ACTR3C: variants seen among roughly 807,000 people sequenced by gnomAD.
ACTR3C encodes the protein actin-related protein 3C.
Under a neutral mutation model 26.3 loss-of-function variants are expected in ACTR3C, and 18 were observed. The ratio of observed to expected loss-of-function variants is 0.68; its 90% CI spans 0.47 to 1.01. The LOEUF (loss-of-function observed/expected upper bound fraction) is 1.01, where lower values mean the gene tolerates loss of function less well. ACTR3C is among the 50% of genes least tolerant of loss of function. The pLI is 0.00. For synonymous variants in ACTR3C, 55 were observed against 94.5 expected (o/e 0.58, Z 2.42); for missense variants, 184 against 250.7 (o/e 0.73, Z 1.80).
chr7:150,021,129 T>A, the ACTR3C span, among the ~76,000 whole-genome samples: 157 of 150,842 alleles, frequency 1.0e-3, 1 homozygote, highest in Middle Eastern at 3.4e-3. Flanking sequence ...CCTTTTTTTT[T>A]TAAAAAAAAT....
chr7:150,020,926 T>G, the ACTR3C span, among the ~76,000 whole-genome samples: 1 of 152,030 alleles, frequency 6.6e-6, no homozygotes, highest in Non-Finnish European at 1.5e-5. Context: ...GTTCAAGAGA[T>G]TCTCCTGCCT....
intron 1 of ACTR3C, among the ~76,000 whole-genome samples, chr7:150,307,289 A>C (rs1295133967): frequency 6.6e-6 from 1 of 152,228 alleles, no homozygotes. Flanking sequence ...TGTGACCTGC[A>C]CATGTACATC....
chr7:149,996,459 G>C, the ACTR3C span, among the ~76,000 whole-genome samples: 2 of 149,820 alleles, frequency 1.3e-5, no homozygotes, highest in Non-Finnish European at 3.0e-5. Flanking sequence ...AAAGGAAACA[G>C]GCAAAGACAA....
chr7:150,240,981 T>C (rs1004508401), downstream of ACTR3C, among the ~76,000 whole-genome samples: 1 of 152,128 alleles, frequency 6.6e-6, no homozygotes, highest in Non-Finnish European at 1.5e-5. Context: ...CTATTAGTAA[T>C]AAATTTAGTA....
At chr7:150,037,654 A>C in the ACTR3C span, among the ~76,000 whole-genome samples, 121 of 100,056 alleles carry the variant, frequency 1.2e-3, 1 homozygote, top group South Asian at 4.6e-3. Context: ...TACTTGGACA[A>C]CTAACACCCA....
At chr7:150,200,997 C>CT in the ACTR3C span, among the ~76,000 whole-genome samples, 3 of 152,192 alleles carry the variant, frequency 2.0e-5, no homozygotes, top group Non-Finnish European at 4.4e-5. Context: ...ATTTTAAACT[C>CT]TATCTTCATA....
the ACTR3C span, among the ~76,000 whole-genome samples, chr7:150,203,054 G>A: frequency 1.3e-5 from 2 of 152,210 alleles, no homozygotes; most frequent in Non-Finnish European, 2.9e-5. Context: ...CGTTACATAT[G>A]ACTCAGCAAA....
chr7:150,008,290 A>C, the ACTR3C span, among the ~76,000 whole-genome samples: 1 of 151,956 alleles, frequency 6.6e-6, no homozygotes, highest in African/African-American at 2.4e-5. Context: ...ACTACTTCTC[A>C]CTCCATGAGG....
At chr7:150,178,660 G>T in the ACTR3C span, among the ~76,000 whole-genome samples, 1 of 150,654 alleles carries the variant, frequency 6.6e-6, no homozygotes, top group Non-Finnish European at 1.5e-5. Context: ...AGTTATGGCA[G>T]TATGAACTCC....
the ACTR3C span, among the ~76,000 whole-genome samples, chr7:150,204,611 T>C: frequency 6.6e-6 from 1 of 152,228 alleles, no homozygotes; most frequent in East Asian, 1.9e-4. Context: ...CACCATGTGA[T>C]GCTGTATCCT....
chr7:149,926,714 T>C, the ACTR3C span, among the ~76,000 whole-genome samples: 2 of 152,140 alleles, frequency 1.3e-5, no homozygotes, highest in Admixed American at 6.6e-5. Flanking sequence ...TTTGTACATT[T>C]TCACCGTAGT....
At chr7:150,174,473 C>A in the ACTR3C span, among the ~76,000 whole-genome samples, 1 of 140,922 alleles carries the variant, frequency 7.1e-6, no homozygotes, top group Non-Finnish European at 1.5e-5. Context: ...AGATACAATT[C>A]AAGTTGAGAT....
chr7:150,199,067 G>A, the ACTR3C span, among the ~76,000 whole-genome samples: 1 of 147,848 alleles, frequency 6.8e-6, no homozygotes, highest in Non-Finnish European at 1.5e-5. Context: ...GGGAAGTGAG[G>A]AGCCCCTCTG....
chr7:149,991,906 C>A, the ACTR3C span, among the ~76,000 whole-genome samples: 1 of 151,654 alleles, frequency 6.6e-6, no homozygotes, highest in Non-Finnish European at 1.5e-5. Context: ...CAAACCTAAT[C>A]TTACATTGAA....
chr7:149,906,783 C>G, the ACTR3C span, among the ~76,000 whole-genome samples: 3 of 93,654 alleles, frequency 3.2e-5, no homozygotes, highest in African/African-American at 1.3e-4. Context: ...GGCCTTAAAC[C>G]TCTTCACACC....
the ACTR3C span, among the ~76,000 whole-genome samples, chr7:150,198,476 G>A: frequency 2.1e-3 from 292 of 139,114 alleles, 6 homozygotes; most frequent in African/African-American, 7.8e-3. Flanking sequence ...CTGAGATGTG[G>A]GGAGCGCCTC....
the ACTR3C span, among the ~76,000 whole-genome samples, chr7:149,973,183 C>T: frequency 7.9e-5 from 12 of 152,224 alleles, no homozygotes; most frequent in Admixed American, 7.9e-4. Flanking sequence ...GTCTCCTGCA[C>T]CTGGTGCTAG....
At chr7:150,069,844 A>C in the ACTR3C span, among the ~76,000 whole-genome samples, 1 of 152,124 alleles carries the variant, frequency 6.6e-6, no homozygotes, top group Non-Finnish European at 1.5e-5. Flanking sequence ...GAAGGGGTAG[A>C]TGTTGGCAGC....
the ACTR3C span, among the ~76,000 whole-genome samples, chr7:150,056,428 G>A: frequency 6.4e-4 from 98 of 152,182 alleles, no homozygotes; most frequent in African/African-American, 2.0e-3. Context: ...GCCCATTTCC[G>A]AACAATTTCC....
Sources: gnomAD v4.1 joint callset for allele counts (sites outside exome capture counted in the v4.1 genomes callset) on GRCh38, gnomAD v4.1.1 for gene constraint, MANE v1.5 for transcripts, NCBI Gene and HGNC (gene_info 2026-07-23, HGNC 2026-07-21) for gene names.